Variants in NCAM2 observed in about 807,000 individuals in gnomAD.
NCAM2 encodes N-CAM-2.
NCAM2 carries 30 observed loss-of-function variants against 98.1 expected under a neutral mutation model. The ratio of observed to expected loss-of-function variants is 0.31; its 90% CI spans 0.23 to 0.41. The LOEUF (loss-of-function observed/expected upper bound fraction) is 0.41, where lower values mean the gene tolerates loss of function less well. Ranked by LOEUF, NCAM2 falls within the 10% of genes least tolerant of loss-of-function variation. The probability of loss-of-function intolerance (pLI) is 1.00; values close to 1 mark genes in which losing one functional copy is unlikely to be tolerated. For missense variants in NCAM2, 867 were observed against 1,005.8 expected (o/e 0.86, Z 1.87); for synonymous variants, 368 against 342.4 (o/e 1.07, Z -0.83).
At chr21:21,315,628 C>T (rs566758426) in intron 5 of NCAM2, among the ~76,000 whole-genome samples, 139 of 152,284 alleles carry the variant, frequency 9.1e-4, no homozygotes, top group African/African-American at 3.3e-3. Flanking sequence ...CTTCCTGCTT[C>T]CTGAGTCTGA....
chr21:21,256,123 G>A (rs1340909239), intron 1 of NCAM2, among the ~76,000 whole-genome samples: 1 of 152,154 alleles, frequency 6.6e-6, no homozygotes, highest in African/African-American at 2.4e-5. Flanking sequence ...GGGAGGTCGA[G>A]GTGGGTGGAT....
chr21:21,249,936 A>G (rs2071414254), intron 1 of NCAM2, among the ~76,000 whole-genome samples: 1 of 152,202 alleles, frequency 6.6e-6, no homozygotes. Flanking sequence ...TGAATGAAGC[A>G]TACCACCAAG....
chr21:21,332,408 C>G (rs1250791512), intron 6 of NCAM2, among the ~76,000 whole-genome samples: 2 of 152,118 alleles, frequency 1.3e-5, no homozygotes, highest in African/African-American at 2.4e-5. Flanking sequence ...ATTACTGATG[C>G]AATATTATTC....
intron 9 of NCAM2, among the ~76,000 whole-genome samples, chr21:21,403,516 A>G (rs1391949043): frequency 6.6e-6 from 1 of 152,192 alleles, no homozygotes; most frequent in Non-Finnish European, 1.5e-5. Context: ...TGTGCCAGTT[A>G]ATACTCAGGG....
intron 8 of NCAM2, among the ~76,000 whole-genome samples, chr21:21,361,210 A>G (rs770327533): frequency 3.9e-5 from 6 of 152,008 alleles, no homozygotes; most frequent in African/African-American, 1.4e-4. Context: ...TTTTAAAGCT[A>G]TTCTTATTTC....
intron 14 of NCAM2, among the ~76,000 whole-genome samples, chr21:21,476,329 C>T (rs1479905918): frequency 1.3e-5 from 2 of 151,896 alleles, no homozygotes; most frequent in Admixed American, 6.6e-5. Flanking sequence ...ATCCTAAAAT[C>T]GCTGTTATTT....
intron 1 of NCAM2, among the ~76,000 whole-genome samples, chr21:21,214,593 CA>C (rs1435858426): frequency 6.6e-6 from 1 of 151,596 alleles, no homozygotes; most frequent in Non-Finnish European, 1.5e-5. Context: ...GAACTACTTA[CA>C]ATTAAGTTTT....
chr21:21,286,608 CT>C (rs2073110938), intron 4 of NCAM2, among the ~76,000 whole-genome samples, 196 bp downstream of exon 4: 1 of 151,858 alleles, frequency 6.6e-6, no homozygotes, highest in African/African-American at 2.4e-5. Context: ...CCCTTTACCC[CT>C]ATGTTGTAAT....
rs1036405051 is a variant in NCAM2, at chr21:21,471,191, C to T, written c.1896+2408C>T. Among the ~76,000 whole-genome samples the T allele has an allele frequency of 5.3e-5, 8 of 152,020 alleles. No homozygotes were observed. The South Asian group carries it at 1.5e-3, about 28-fold the overall frequency. The stretch of plus-strand genomic sequence containing the variant: ...GCCTTCGGATACAGCCATCCTGGCA[C>T]AGTTTCTCTTGACCATATCACTTGA... On this transcript the variant is annotated intron_variant, in intron 14 of 17. Coordinates refer to ENST00000400546, the MANE Select transcript of NCAM2 (RefSeq NM_004540.5).
In NCAM2 at chr21:21,184,338, T is replaced by G. The variant is rs8127530; in HGVS notation, c.56-96240T>G. Among the ~76,000 whole-genome samples, 647 of 151,920 alleles carry G rather than the reference T, an allele frequency of 4.3e-3. 4 individuals carry two copies. Among genetic ancestry groups the G allele is most frequent in the African/African-American group, 0.015 (623 of 41,462 alleles). The stretch of plus-strand genomic sequence containing the variant: ...TAAAAAAAAAAAGAAAAGAAAAAAG[T>G]AATCTTTTTATGATATCTTCAAAGA... On this transcript the variant is annotated intron_variant, in intron 1 of 17. Transcript: ENST00000400546.
intron 11 of NCAM2, among the ~76,000 whole-genome samples, chr21:21,431,712 A>C (rs914024599): frequency 7.9e-5 from 12 of 152,086 alleles, no homozygotes; most frequent in African/African-American, 2.9e-4. Context: ...ATTTATGGTG[A>C]TGGTTGAATA....
intron 1 of NCAM2, among the ~76,000 whole-genome samples, chr21:21,142,318 A>T (rs2146658486): frequency 6.6e-6 from 1 of 151,628 alleles, no homozygotes; most frequent in South Asian, 2.1e-4. Flanking sequence ...GTGCATATTT[A>T]ATAACTACAA....
At chr21:21,190,822 G>A (rs1299631155) in intron 1 of NCAM2, among the ~76,000 whole-genome samples, 1 of 152,058 alleles carries the variant, frequency 6.6e-6, no homozygotes, top group Admixed American at 6.6e-5. Context: ...TACCTTATAG[G>A]CTCTTTTGAG....
intron 1 of NCAM2, among the ~76,000 whole-genome samples, chr21:21,116,879 A>T (rs1386417256): frequency 6.6e-6 from 1 of 152,038 alleles, no homozygotes. Context: ...AAAGAAAAGA[A>T]ATACTCACCA....
chr21:21,148,578 T>G (rs1354463626), intron 1 of NCAM2, among the ~76,000 whole-genome samples: 1 of 152,224 alleles, frequency 6.6e-6, no homozygotes, highest in Non-Finnish European at 1.5e-5. Flanking sequence ...ACATCTTCAT[T>G]TTAAATTTTC....
intron 1 of NCAM2, among the ~76,000 whole-genome samples, chr21:21,101,157 A>C (rs2146488581): frequency 6.6e-6 from 1 of 152,074 alleles, no homozygotes; most frequent in East Asian, 1.9e-4. Context: ...GCATTACCTA[A>C]TTTTCACCTT....
chr21:21,214,751 T>C (rs2069818660), intron 1 of NCAM2, among the ~76,000 whole-genome samples: 1 of 37,836 alleles, frequency 2.6e-5, no homozygotes, highest in Admixed American at 3.0e-4. Flanking sequence ...ATATATACAC[T>C]ATATATACAC....
intron 1 of NCAM2, among the ~76,000 whole-genome samples, chr21:21,231,120 T>C (rs1466636455): frequency 6.6e-6 from 1 of 151,388 alleles, no homozygotes; most frequent in Non-Finnish European, 1.5e-5. Context: ...AGTGATATAT[T>C]GATTTTCAGT....
chr21:21,531,823 T>TA (rs1989712045), intron 16 of NCAM2, among the ~76,000 whole-genome samples: 1 of 101,508 alleles, frequency 9.9e-6, no homozygotes. Flanking sequence ...TACTAAAAAA[T>TA]ACCAAAAAAA....
Sources: allele counts gnomAD v4.1 joint callset (sites outside exome capture counted in the v4.1 genomes callset), GRCh38; gene constraint gnomAD v4.1.1; transcripts MANE v1.5; gene names NCBI Gene and HGNC (gene_info 2026-07-23, HGNC 2026-07-21).